The following CNTNAP2 variants were observed in gnomAD, a reference collection of about 807,000 sequenced individuals.
The protein encoded by CNTNAP2 is contactin associated protein 2.
Under a neutral mutation model 155.2 loss-of-function variants are expected in CNTNAP2, and 98 were observed. The observed-to-expected ratio is 0.63, with a 90% confidence interval of 0.54 to 0.75. The LOEUF (loss-of-function observed/expected upper bound fraction) is 0.75, where lower values mean the gene tolerates loss of function less well. Ranked by LOEUF, CNTNAP2 falls within the 30% of genes least tolerant of loss-of-function variation. The pLI is 0.00. For synonymous variants in CNTNAP2, 651 were observed against 631.2 expected, an observed-to-expected ratio of 1.03 and a Z score of -0.47; for missense variants, 1,727 against 1,688.1, an observed-to-expected ratio of 1.02 and a Z score of -0.40.
At chr7:147,664,590 G>A (rs537251968) in intron 13 of CNTNAP2, among the ~76,000 whole-genome samples, 12 of 152,190 alleles carry the variant, frequency 7.9e-5, no homozygotes, top group African/African-American at 2.4e-4. Flanking sequence ...CGAAGCATTC[G>A]GAGATGTTAT....
intron 1 of CNTNAP2, among the ~76,000 whole-genome samples, chr7:146,138,416 T>C (rs1020592137): frequency 2.6e-5 from 4 of 152,130 alleles, no homozygotes; most frequent in Non-Finnish European, 5.9e-5. Context: ...GAACTTAATA[T>C]GTTACTATGT....
intron 1 of CNTNAP2, among the ~76,000 whole-genome samples, chr7:146,239,720 C>T (rs1799529638): frequency 6.6e-6 from 1 of 152,118 alleles, no homozygotes; most frequent in Admixed American, 6.5e-5. Context: ...AAATCTGATA[C>T]TTGTGTTTTA....
In CNTNAP2 at chr7:146,505,128, C is replaced by T. The variant is rs774418746; in HGVS notation, c.98-269143C>T. 3.7e-4 allele frequency among the ~76,000 whole-genome samples: 57 copies of T among 152,154 alleles called. 1 individual carries two copies. Among genetic ancestry groups the T allele is most frequent in the Admixed American group, 2.6e-4 (4 of 15,284 alleles). ...AAAGCTGCCCATGTTGCATTCTAAA[C>T]GTCAGCCATGGAACTCCTAGTGTCC... On this transcript the variant is annotated intron_variant, in intron 1 of 23. Coordinates refer to ENST00000361727, the MANE Select transcript of CNTNAP2 (RefSeq NM_014141.6).
At chr7:147,500,859 A>T (rs960295107) in intron 11 of CNTNAP2, among the ~76,000 whole-genome samples, 2 of 152,170 alleles carry the variant, frequency 1.3e-5, no homozygotes, top group Non-Finnish European at 2.9e-5. Context: ...CTATCAAAAA[A>T]TATCTGACAC....
At chr7:147,888,775 A>G (rs907401816) in intron 13 of CNTNAP2, among the ~76,000 whole-genome samples, 4 of 150,420 alleles carry the variant, frequency 2.7e-5, no homozygotes, top group Middle Eastern at 3.4e-3. Context: ...AGAAAAAAAC[A>G]CATATATAAA....
chr7:147,047,168 G>C (rs1417917993), intron 4 of CNTNAP2, among the ~76,000 whole-genome samples: 1 of 111,018 alleles, frequency 9.0e-6, no homozygotes, highest in Non-Finnish European at 1.7e-5. Flanking sequence ...GAGTGCAGTT[G>C]TGCAATCTTG....
intron 11 of CNTNAP2, among the ~76,000 whole-genome samples, chr7:147,551,735 C>T (rs1477918410): frequency 1.3e-5 from 2 of 151,936 alleles, no homozygotes; most frequent in Non-Finnish European, 2.9e-5. Flanking sequence ...GTTGCTGTTT[C>T]GGTTTGAAAA....
chr7:148,095,989 A>G (rs1803957982), intron 15 of CNTNAP2, among the ~76,000 whole-genome samples: 1 of 152,240 alleles, frequency 6.6e-6, no homozygotes, highest in African/African-American at 2.4e-5. Context: ...AGAAAGAGTC[A>G]TGAAGTAGTT....
At chr7:146,933,094 G>A (rs1404233956) in intron 3 of CNTNAP2, among the ~76,000 whole-genome samples, 1 of 151,986 alleles carries the variant, frequency 6.6e-6, no homozygotes, top group Non-Finnish European at 1.5e-5. Context: ...CTACTTTAAA[G>A]TTCATATGGC....
At chr7:146,545,106 A>C (rs35090909) in intron 1 of CNTNAP2, among the ~76,000 whole-genome samples, 1 of 151,604 alleles carries the variant, frequency 6.6e-6, no homozygotes, top group Non-Finnish European at 1.5e-5. Context: ...GGTAGGAGGG[A>C]GTATGGAAAG....
chr7:147,531,880 C>T lies in CNTNAP2; in HGVS notation c.1778-30258C>T, dbSNP rs193011087. Among the ~76,000 whole-genome samples the T allele has an allele frequency of 6.2e-3, 937 of 151,000 alleles. 9 individuals carry two copies. Among genetic ancestry groups the T allele is most frequent in the African/African-American group, 0.022 (895 of 41,036 alleles). On this transcript the variant is annotated intron_variant, in intron 11 of 23. Transcript: ENST00000361727. ...GGAATGCAGTGGTGTGATCTCAGCTCACTGCAAGCTTCAACTCCTGGGTTC... is the reference window on the plus strand; with the variant it reads ...GGAATGCAGTGGTGTGATCTCAGCTTACTGCAAGCTTCAACTCCTGGGTTC...
At chr7:146,873,852 T>G (rs1483963375) in intron 3 of CNTNAP2, among the ~76,000 whole-genome samples, 1 of 152,118 alleles carries the variant, frequency 6.6e-6, no homozygotes, top group Non-Finnish European at 1.5e-5. Flanking sequence ...TGAGTGACTA[T>G]TATGTGGAGG....
intron 14 of CNTNAP2, among the ~76,000 whole-genome samples, chr7:147,936,735 G>A (rs569689369): frequency 1.3e-5 from 2 of 152,238 alleles, no homozygotes; most frequent in South Asian, 4.2e-4. Context: ...TAAGCAGCAT[G>A]AGTCTATTAA....
At chr7:147,947,668 C>A (rs1800845007) in intron 14 of CNTNAP2, among the ~76,000 whole-genome samples, 1 of 151,814 alleles carries the variant, frequency 6.6e-6, no homozygotes, top group Non-Finnish European at 1.5e-5. Flanking sequence ...AAGAGTAGCT[C>A]CCAATGCTTC....
chr7:147,390,821 CATAATT>C (rs761162116), intron 9 of CNTNAP2, among the ~76,000 whole-genome samples: 5 of 152,070 alleles, frequency 3.3e-5, no homozygotes, highest in Middle Eastern at 3.2e-3. Flanking sequence ...TTTAAAATAA[CATAATT>C]ATAATGTGAA....
At chr7:147,274,452 G>A (rs1460891526) in intron 8 of CNTNAP2, among the ~76,000 whole-genome samples, 1 of 151,782 alleles carries the variant, frequency 6.6e-6, no homozygotes, top group Non-Finnish European at 1.5e-5. Flanking sequence ...TATGTTTATT[G>A]GCCACTTGTA....
chr7:148,401,770 T>C (rs1318805212), intron 22 of CNTNAP2, among the ~76,000 whole-genome samples: 2 of 152,040 alleles, frequency 1.3e-5, no homozygotes, highest in Non-Finnish European at 2.9e-5. Context: ...AGCTACTTTT[T>C]TGTATTTTTA....
At chr7:147,055,933 CA>C (rs1799553618) in intron 4 of CNTNAP2, among the ~76,000 whole-genome samples, 1 of 152,148 alleles carries the variant, frequency 6.6e-6, no homozygotes, top group African/African-American at 2.4e-5. Context: ...TCCCAGATGT[CA>C]AAGCACACAT....
At position 146,151,672 on chromosome 7, in the gene CNTNAP2, ATATATATATG is replaced by A. The variant is rs1562969027; in HGVS notation, c.97+34709_97+34718del. On this transcript the variant is annotated intron_variant, in intron 1 of 23. Coordinates refer to ENST00000361727, the MANE Select transcript of CNTNAP2 (RefSeq NM_014141.6). ...TATATATATATATATATATATATAT[ATATATATATG>A]TATATATATATATATGTATATATAT... is the stretch of plus-strand genomic sequence containing the variant. Among the ~76,000 whole-genome samples the A allele has an allele frequency of 1.1e-3, 44 of 41,822 alleles. 1 individual carries two copies. The highest frequency in any genetic ancestry group is 0.01 in the South Asian group (10 of 994). 27.4% of individuals were successfully genotyped at this position (41,822 alleles called of 152,430 possible).
Sources: allele counts gnomAD v4.1 joint callset (sites outside exome capture counted in the v4.1 genomes callset), GRCh38; gene constraint gnomAD v4.1.1; transcripts MANE v1.5; gene names NCBI Gene and HGNC (gene_info 2026-07-23, HGNC 2026-07-21).